Variants in TMEM151A observed in about 807,000 individuals in gnomAD.
TMEM151A encodes transmembrane protein 151.
In TMEM151A, 21 loss-of-function variants were observed where a neutral mutation model predicts 33.7. The ratio of observed to expected loss-of-function variants is 0.62; its 90% CI spans 0.44 to 0.90. TMEM151A has a LOEUF of 0.90. TMEM151A is among the 40% of genes least tolerant of loss of function. TMEM151A has a pLI of 0.00. For missense variants in TMEM151A, 704 were observed against 697.7 expected, an observed-to-expected ratio of 1.01 and a Z score of -0.10; for synonymous variants, 374 against 330.3, an observed-to-expected ratio of 1.13 and a Z score of -1.43.
rs1479365953 is a variant in TMEM151A at position 66,294,325 on chromosome 11, CG to C, written c.81del (p.Leu29Ter). ...PDGEPLREEQ[R>X]PLKQSLGSSL... The stretch of plus-strand genomic sequence containing the variant: ...CCCTTTCTCTGCCCACCTGCAGCAG[CG>C]GCCCCTGAAACAGTCCCTGGGAAGC... On this transcript the variant is annotated frameshift_variant, in exon 2 of 2. Coordinates refer to ENST00000327259, the MANE Select transcript of TMEM151A (RefSeq NM_153266.4). LOFTEE classifies it high-confidence loss of function. 6.2e-7 allele frequency: 1 copy of C among 1,606,864 alleles called. No individual in the cohort carries two copies.
Position 66,295,431 on chromosome 11 carries a change from C to A in TMEM151A, c.1185C>A (p.Ser395Arg). ...ACTCGCTGCCCCCCGCCCGGCCCAG[C>A]GGGCCCCGCCTGCCCTTCAGCCGCA... ...SSNSLPPARP[S>R]GPRLPFSRSR... Residue 395 changes from serine (S) to arginine (R), a missense_variant, in exon 2 of 2, where the codon AGC becomes AGA. Ser to Arg is a moderately radical substitution (Grantham distance 110). Coordinates refer to ENST00000327259, the MANE Select transcript of TMEM151A (RefSeq NM_153266.4). 6.8e-7 allele frequency: 1 copy of A among 1,468,168 alleles called. No homozygotes were observed. Among genetic ancestry groups the A allele is most frequent in the Non-Finnish European group, 9.0e-7 (1 of 1,111,048 alleles). The allele number at this position is 1,468,168 out of a possible 1,614,324, so 90.9% of individuals were successfully genotyped here.
chr11:66,295,627 C>A lies in TMEM151A; in HGVS notation c.1381C>A (p.Gln461Lys). The change falls in exon 2 of 2, where the codon CAG (glutamine) becomes AAG (lysine). Residue 461 changes from glutamine to lysine, a missense_variant. Gln to Lys is a moderately conservative substitution (Grantham distance 53). This residue lies in a region of TMEM151A where 398 missense variants were observed against 356.0 expected (regional missense o/e 1.12). Transcript: ENST00000327259. ...VLIVHGDSGC[Q>K]GDGQGAL ...CATTGTCCACGGAGACAGCGGCTGC[C>A]AGGGGGATGGGCAGGGTGCTCTCTG... The A allele has an allele frequency of 6.5e-7, 1 of 1,546,544 alleles. No homozygotes were observed. Among genetic ancestry groups the A allele is most frequent in the Non-Finnish European group, 8.7e-7 (1 of 1,148,984 alleles).
At position 66,292,064 on chromosome 11, in the gene TMEM151A, G is replaced by C; in HGVS notation, c.51G>C (p.Pro17=). ...GDGGEVPALI[P]DGEPLREEQR... ...GCGGGGAGGTGCCCGCGCTCATCCCGGACGGCGAGCCGCTGCGGGAAGAGG... is the reference window on the plus strand; with the variant it reads ...GCGGGGAGGTGCCCGCGCTCATCCCCGACGGCGAGCCGCTGCGGGAAGAGG... Residue 17 remains proline, a synonymous_variant, in exon 1 of 2, where the codon CCG becomes CCC. Coordinates refer to ENST00000327259, the MANE Select transcript of TMEM151A (RefSeq NM_153266.4). This position sits in a 1 kb window ranked among gnomAD's most constrained non-coding sequence, Gnocchi z 4.7. 1 of 1,488,040 alleles carries C rather than the reference G, an allele frequency of 6.7e-7. No homozygotes were observed. Among genetic ancestry groups the C allele is most frequent in the Non-Finnish European group, 8.9e-7 (1 of 1,126,774 alleles). 92.2% of individuals were successfully genotyped at this position (1,488,040 alleles called of 1,614,324 possible). A position where few individuals can be genotyped will look rare whatever the true frequency, so the allele number is the denominator to read the frequency against.
In TMEM151A at chr11:66,295,137, G is replaced by T; in HGVS notation, c.891G>T (p.Ser297=). The change falls in exon 2 of 2, where the codon TCG becomes TCT. Residue 297 remains serine (S), a synonymous_variant. Transcript: ENST00000327259. ...GGCTCGTGTCGGCGGCCACGCTGTC[G>T]TGGCCCCTGCGCGTCGTGGCCGCCT... ...VFWLVSAATL[S]WPLRVVAAYG... is the part of the protein sequence containing the mutation. 6.3e-7 allele frequency: 1 copy of T among 1,583,904 alleles called. No individual in the cohort carries two copies. Among genetic ancestry groups the T allele is most frequent in the South Asian group, 1.1e-5 (1 of 89,400 alleles).
Position 66,295,520 on chromosome 11 carries a change from G to A in TMEM151A, c.1274G>A (p.Gly425Glu), listed in dbSNP as rs763751051. Residue 425 changes from glycine to glutamate, a missense_variant, in exon 2 of 2, where the codon GGG (glycine) becomes GAG (glutamate). Gly to Glu is a moderately conservative substitution (Grantham distance 98). Transcript: ENST00000327259. ...TPGVFRSLSG[G>E]PLGRRGEDTE... Reference sequence around the variant, plus strand: ...GGGGTCTTCCGCAGCCTGAGCGGGGGGCCGCTGGGGCGCCGTGGAGAGGAC... The same window carrying A: ...GGGGTCTTCCGCAGCCTGAGCGGGGAGCCGCTGGGGCGCCGTGGAGAGGAC... The A allele has an allele frequency of 3.6e-6, 5 of 1,397,336 alleles. No homozygotes were observed. Among genetic ancestry groups the A allele is most frequent in the Non-Finnish European group, 4.7e-6 (5 of 1,075,248 alleles). 86.6% of individuals were successfully genotyped at this position (1,397,336 alleles called of 1,614,324 possible).
At position 66,295,214 on chromosome 11, in the gene TMEM151A, C is replaced by CGCCCCCGCCGGGGGCCGTGCCCAGCGG; in HGVS notation, c.977_1003dup (p.Pro326_Pro334dup). The CGCCCCCGCCGGGGGCCGTGCCCAGCGG allele has an allele frequency of 6.4e-7, 1 of 1,569,790 alleles. No homozygotes were observed. The highest frequency in any genetic ancestry group is 8.6e-7 in the Non-Finnish European group (1 of 1,158,946). ...GTGGAGAAGCTCTTTGGCGCCAGCT[C>CGCCCCCGCCGGGGGCCGTGCCCAGCGG]GCCCCCGCCGGGGGCCGTGCCCAGC... On this transcript the variant is annotated inframe_insertion, in exon 2 of 2. Transcript: ENST00000327259.
rs1172295305 is a variant in TMEM151A at position 66,294,686 on chromosome 11, C to A, written c.440C>A (p.Pro147Gln). ...ALIRRLQQAP[P>Q]CVWWKATSYH... ...ATCCGCCGGCTGCAGCAGGCGCCGC[C>A]GTGCGTCTGGTGGAAGGCCACCAGC... The change falls in exon 2 of 2, where the codon CCG (proline) becomes CAG (glutamine). Residue 147 changes from proline (P) to glutamine (Q), a missense_variant. Transcript: ENST00000327259. 6.3e-7 allele frequency: 1 copy of A among 1,588,840 alleles called. No homozygotes were observed. The highest frequency in any genetic ancestry group is 8.6e-7 in the Non-Finnish European group (1 of 1,168,146).
intron 1 of TMEM151A, among the ~76,000 whole-genome samples, chr11:66,293,071 A>G (rs1857472931): frequency 6.6e-6 from 1 of 152,094 alleles, no homozygotes; most frequent in African/African-American, 2.4e-5. Flanking sequence ...CCCTGGGGAC[A>G]GGCGAGGGTC....
chr11:66,294,268 G>T, intron 1 of TMEM151A, 54 bp from the exon 2 acceptor site: 2 of 1,585,974 alleles, frequency 1.3e-6, no homozygotes, highest in Non-Finnish European at 1.7e-6. Flanking sequence ...AAAGTGGCAG[G>T]CCCCACTGAT....
In TMEM151A at chr11:66,295,071, C is replaced by G. The variant is rs1322885688; in HGVS notation, c.825C>G (p.Asp275Glu). Reference sequence around the variant, plus strand: ...GCGAGTCGCTCATGGTCTTCGCCGACCCCCGCAGCCCGCCCTGGTACGCGC... The same window carrying G: ...GCGAGTCGCTCATGGTCTTCGCCGAGCCCCGCAGCCCGCCCTGGTACGCGC... ...DFRESLMVFA[D>E]PRSPPWYARA... Residue 275 changes from aspartate to glutamate, a missense_variant, in exon 2 of 2, where the codon GAC becomes GAG. Around this residue, in one of 3 missense-constraint regions of TMEM151A, gnomAD observed 398 missense variants for 356.0 expected, o/e 1.12. Coordinates refer to ENST00000327259, the MANE Select transcript of TMEM151A (RefSeq NM_153266.4). 1.9e-6 allele frequency: 3 copies of G among 1,597,992 alleles called. No individual in the cohort carries two copies. The highest frequency in any genetic ancestry group is 1.1e-5 in the South Asian group (1 of 90,922).
chr11:66,294,622 C>G lies in TMEM151A; in HGVS notation c.376C>G (p.Gln126Glu), dbSNP rs1565190137. 2 of 1,611,908 alleles carry G rather than the reference C, an allele frequency of 1.2e-6. No homozygotes were observed. The highest frequency in any genetic ancestry group is 4.5e-5 in the East Asian group (2 of 44,820). Residue 126 changes from glutamine to glutamate, a missense_variant, in exon 2 of 2, where the codon CAG becomes GAG. This residue lies in a region of TMEM151A where 301 missense variants were observed against 323.4 expected (regional missense o/e 0.93). Transcript: ENST00000327259. Reference sequence around the variant, plus strand: ...CTGGCACTGTCACGTGCGGTCCTGCCAGGCGCCACGCACCGACGCCCACAC... The same window carrying G: ...CTGGCACTGTCACGTGCGGTCCTGCGAGGCGCCACGCACCGACGCCCACAC... ...ECWHCHVRSCQAPRTDAHTVL... is the reference protein window; with the variant it reads ...ECWHCHVRSCEAPRTDAHTVL...
chr11:66,295,506 C>T lies in TMEM151A; in HGVS notation c.1260C>T (p.Arg420=), dbSNP rs1372416573. Residue 420 remains arginine (R), a synonymous_variant, in exon 2 of 2, where the codon CGC becomes CGT. Coordinates refer to ENST00000327259, the MANE Select transcript of TMEM151A (RefSeq NM_153266.4). The part of the protein sequence containing the change: ...AGGRATPGVF[R]SLSGGPLGRR... Reference sequence around the variant, plus strand: ...GCCGGGCCACGCCAGGGGTCTTCCGCAGCCTGAGCGGGGGGCCGCTGGGGC... The same window carrying T: ...GCCGGGCCACGCCAGGGGTCTTCCGTAGCCTGAGCGGGGGGCCGCTGGGGC... 5.0e-6 allele frequency: 7 copies of T among 1,393,456 alleles called. No homozygotes were observed. Among genetic ancestry groups the T allele is most frequent in the East Asian group, 6.0e-5 (2 of 33,128 alleles). The allele number at this position is 1,393,456 out of a possible 1,614,324, so 86.3% of individuals were successfully genotyped here. A position where few individuals can be genotyped will look rare whatever the true frequency, so the allele number is the denominator to read the frequency against.
chr11:66,292,202 A>C lies in TMEM151A; in HGVS notation c.75+114A>C. 2 of 926,966 alleles carry C rather than the reference A, an allele frequency of 2.2e-6. No homozygotes were observed. The highest frequency in any genetic ancestry group is 1.5e-6 in the Non-Finnish European group (1 of 676,504). 57.4% of individuals were successfully genotyped at this position (926,966 alleles called of 1,614,324 possible). ...GGAAGTCCCAGAGCCCCTACGGCCA[A>C]TGACGTCATTGGGGTCACCTGCGCC... On this transcript the variant is annotated intron_variant, in intron 1 of 1. Transcript: ENST00000327259. The surrounding 1 kb of genome is among the most constrained non-coding windows in gnomAD (Gnocchi z 4.7).
Position 66,295,277 on chromosome 11 carries a change from C to G in TMEM151A, c.1031C>G (p.Thr344Ser). Residue 344 changes from threonine (T) to serine (S), a missense_variant, in exon 2 of 2, where the codon ACT (threonine) becomes AGT (serine). Thr to Ser is a moderately conservative substitution (Grantham distance 58). Transcript: ENST00000327259. ...PLSRVATVDF[T>S]ELEWHICSNR... ...TCCCGCGTGGCCACAGTGGACTTCA[C>G]TGAGCTCGAGTGGCACATCTGCTCC... The G allele has an allele frequency of 6.4e-7, 1 of 1,572,766 alleles. No individual in the cohort carries two copies. The highest frequency in any genetic ancestry group is 8.6e-7 in the Non-Finnish European group (1 of 1,159,480).
chr11:66,294,841 G>C lies in TMEM151A; in HGVS notation c.595G>C (p.Gly199Arg). The change falls in exon 2 of 2, where the codon GGC (glycine) becomes CGC (arginine). Residue 199 changes from glycine to arginine, a missense_variant. Physicochemically the swap from Gly to Arg is moderately radical, Grantham distance 125. This residue lies in a region of TMEM151A where 301 missense variants were observed against 323.4 expected (regional missense o/e 0.93). Coordinates refer to ENST00000327259, the MANE Select transcript of TMEM151A (RefSeq NM_153266.4). ...ARGEFDYSAHGVRDVSKELVG... is the reference protein window; with the variant it reads ...ARGEFDYSAHRVRDVSKELVG... ...CGGCGAGTTTGACTACTCGGCGCACGGCGTCCGCGACGTCTCCAAGGAGCT... is the reference window on the plus strand; with the variant it reads ...CGGCGAGTTTGACTACTCGGCGCACCGCGTCCGCGACGTCTCCAAGGAGCT... 6.5e-7 allele frequency: 1 copy of C among 1,538,822 alleles called. No homozygotes were observed. The highest frequency in any genetic ancestry group is 8.7e-7 in the Non-Finnish European group (1 of 1,145,744).
In TMEM151A at chr11:66,292,772, C is replaced by T. The variant is rs202175630; in HGVS notation, c.75+684C>T. ...GTGCGCCCTGTAGTCAGGTGAGGGG[C>T]GAGTGGGTGCCTGGCTCGGGTTGTC... On this transcript the variant is annotated intron_variant, in intron 1 of 1. Transcript: ENST00000327259. The surrounding 1 kb of genome is among the most constrained non-coding windows in gnomAD (Gnocchi z 4.7). Among the ~76,000 whole-genome samples the T allele has an allele frequency of 6.0e-4, 90 of 150,694 alleles. No individual in the cohort carries two copies. The highest frequency in any genetic ancestry group is 1.6e-3 in the African/African-American group (66 of 40,884).
intron 1 of TMEM151A, among the ~76,000 whole-genome samples, chr11:66,293,255 G>A (rs1164454541): frequency 6.6e-6 from 1 of 152,152 alleles, no homozygotes; most frequent in Non-Finnish European, 1.5e-5. Flanking sequence ...CTGGGCTAGG[G>A]GGTGGTTCCT....
chr11:66,295,853 A>C lies in TMEM151A; in HGVS notation c.*200A>C. The stretch of plus-strand genomic sequence containing the variant: ...TTTTGGAGGAAGTGGAAGCCTAAGA[A>C]TCGCCCCCAGCATGGCTTCATCCCC... On this transcript the variant is annotated 3_prime_UTR_variant, in exon 2 of 2. Coordinates refer to ENST00000327259, the MANE Select transcript of TMEM151A (RefSeq NM_153266.4). 1 of 436,514 alleles carries C rather than the reference A, an allele frequency of 2.3e-6. No individual in the cohort carries two copies. The highest frequency in any genetic ancestry group is 3.9e-6 in the Non-Finnish European group (1 of 257,742). The allele number at this position is 436,514 out of a possible 1,614,324, so 27.0% of individuals were successfully genotyped here.
In TMEM151A at chr11:66,291,907, G is replaced by C; in HGVS notation, c.-107G>C. On this transcript the variant is annotated 5_prime_UTR_variant, in exon 1 of 2. Transcript: ENST00000327259. ...CTCGAGCTCCGCGCACTCCCTCCGCGGCCGCTGAGCCGAGCGGACGCCCCC... is the reference window on the plus strand; with the variant it reads ...CTCGAGCTCCGCGCACTCCCTCCGCCGCCGCTGAGCCGAGCGGACGCCCCC... 1.3e-6 allele frequency: 1 copy of C among 798,582 alleles called. No homozygotes were observed. Among genetic ancestry groups the C allele is most frequent in the Non-Finnish European group, 1.7e-6 (1 of 590,026 alleles). The allele number at this position is 798,582 out of a possible 1,614,324, so 49.5% of individuals were successfully genotyped here.
Sources: gnomAD v4.1 joint callset for allele counts (sites outside exome capture counted in the v4.1 genomes callset) on GRCh38, gnomAD v4.1.1 for gene constraint, gnomAD v4.1.1 regional missense constraint, Gnocchi (gnomAD v3.1) non-coding constraint, MANE v1.5 for transcripts, NCBI Gene and HGNC (gene_info 2026-07-23, HGNC 2026-07-21) for gene names.